The following PCDHGA5 variants were observed in gnomAD, a reference collection of about 807,000 sequenced individuals.
PCDHGA5 encodes protocadherin gamma subfamily A, 5.
A neutral mutation model predicts 56.7 loss-of-function variants in PCDHGA5; 36 were observed. The observed-to-expected ratio is 0.64, with a 90% CI of 0.49 to 0.84. PCDHGA5 has a LOEUF of 0.84. Among genes scored for constraint, PCDHGA5 ranks in the 40% least tolerant of loss-of-function variants. PCDHGA5 has a pLI of 0.00. For synonymous variants in PCDHGA5, 563 were observed against 520.2 expected (o/e 1.08, Z -1.12); for missense variants, 1,305 against 1,201.5 (o/e 1.09, Z -1.27).
At chr5:141,422,617 G>T (rs758903894) in intron 1 of PCDHGA5, 3 of 1,613,524 alleles carry the variant, frequency 1.9e-6, no homozygotes, top group Non-Finnish European at 2.5e-6. Context: ...CTACATTCCC[G>T]AAAACAACCC....
chr5:141,453,201 C>T (rs115660512), intron 1 of PCDHGA5, among the ~76,000 whole-genome samples: 2,052 of 152,204 alleles, frequency 0.013, 46 homozygotes, highest in African/African-American at 0.048. Flanking sequence ...GCAGCCTCAA[C>T]CTCGTGCACT....
At chr5:141,442,837 A>C (rs2098346617) in intron 1 of PCDHGA5, among the ~76,000 whole-genome samples, 1 of 152,202 alleles carries the variant, frequency 6.6e-6, no homozygotes, top group South Asian at 2.1e-4. Flanking sequence ...GGGAGGGACA[A>C]ATCTTGGCCA....
rs756464724 is a variant in PCDHGA5, at chr5:141,478,476, A to T, written c.2422-16331A>T. The T allele has an allele frequency of 5.0e-6, 8 of 1,613,838 alleles. 1 individual carries two copies. The South Asian group carries it at 7.7e-5, about 16-fold the overall frequency. The stretch of plus-strand genomic sequence containing the variant: ...GCCAGTCCACTGGCCAGCCGCCAGA[A>T]CACGCTGCGGAGCTGTGATCCGGTG... On this transcript the variant is annotated intron_variant, in intron 1 of 3. Transcript: ENST00000518069.
At chr5:141,471,860 A>G (rs1470502617) in intron 1 of PCDHGA5, among the ~76,000 whole-genome samples, 1 of 152,202 alleles carries the variant, frequency 6.6e-6, no homozygotes, top group Non-Finnish European at 1.5e-5. Flanking sequence ...AAAAAGCAAA[A>G]CTGTGGTTGC....
chr5:141,437,765 G>C (rs1561886251), intron 1 of PCDHGA5, among the ~76,000 whole-genome samples: 1 of 148,074 alleles, frequency 6.8e-6, no homozygotes, highest in African/African-American at 2.5e-5. Flanking sequence ...TTGAGACAGA[G>C]TCTCAATCTG....
intron 1 of PCDHGA5, chr5:141,413,905 C>G: frequency 6.2e-7 from 1 of 1,613,338 alleles, no homozygotes; most frequent in Non-Finnish European, 8.5e-7. Context: ...TGACAACGCG[C>G]CGGTCTTCAC....
Position 141,400,031 on chromosome 5 carries a change from G to A in PCDHGA5, c.2421+33280G>A, listed in dbSNP as rs373709904. The A allele has an allele frequency of 2.2e-5, 36 of 1,612,964 alleles. No individual in the cohort carries two copies. In the African/African-American group the frequency reaches 4.5e-4, roughly 20 times the overall value. The stretch of plus-strand genomic sequence containing the variant: ...GCCTTGGGCGACAGGGACGCGGCCC[G>A]CCAGCGCCTGCTGGTTGCTGTGCGT... On this transcript the variant is annotated intron_variant, in intron 1 of 3. Coordinates refer to ENST00000518069, the MANE Select transcript of PCDHGA5 (RefSeq NM_018918.3).
At position 141,477,210 on chromosome 5, in the gene PCDHGA5, C is replaced by G. The variant is rs780852225; in HGVS notation, c.2422-17597C>G. 1.2e-6 allele frequency: 2 copies of G among 1,614,142 alleles called. No individual in the cohort carries two copies. The highest frequency in any genetic ancestry group is 1.7e-6 in the Non-Finnish European group (2 of 1,180,030). On this transcript the variant is annotated intron_variant, in intron 1 of 3. Coordinates refer to ENST00000518069, the MANE Select transcript of PCDHGA5 (RefSeq NM_018918.3). The surrounding 1 kb of genome is among the most constrained non-coding windows in gnomAD (Gnocchi z 4.9). ...GTGTACAGCCCAGTACCCGAGGATG[C>G]CCCTCTGGGGACTGTCATCGCTTTG...
chr5:141,390,330 C>T, intron 1 of PCDHGA5: 1 of 1,600,608 alleles, frequency 6.2e-7, no homozygotes, highest in Non-Finnish European at 8.5e-7. Flanking sequence ...ACCCATTTCT[C>T]CATATTCACA....
rs946798767 is a variant in PCDHGA5 at position 141,438,591 on chromosome 5, C to CATATAT, written c.2422-56176_2422-56171dup. Among the ~76,000 whole-genome samples the CATATAT allele has an allele frequency of 1.5e-3, 111 of 75,470 alleles. 1 individual carries two copies. Among genetic ancestry groups the CATATAT allele is most frequent in the Non-Finnish European group, 2.3e-3 (84 of 37,244 alleles). 49.5% of individuals were successfully genotyped at this position (75,470 alleles called of 152,430 possible). A position where few individuals can be genotyped will look rare whatever the true frequency, so the allele number is the denominator to read the frequency against. ...TCTGATATACATACATACATACATA[C>CATATAT]ATATATATATATATATATATATATA... On this transcript the variant is annotated intron_variant, in intron 1 of 3. Transcript: ENST00000518069.
At chr5:141,392,891 C>G in intron 1 of PCDHGA5, 1 of 1,613,594 alleles carries the variant, frequency 6.2e-7, no homozygotes, top group Non-Finnish European at 8.5e-7. Context: ...TGTGGGAAAT[C>G]GGGAGGGGAC....
At position 141,431,645 on chromosome 5, in the gene PCDHGA5, T is replaced by G. The variant is rs2097404203; in HGVS notation, c.2422-63162T>G. ...GGCGGCCCAAGTTTTCAAACTAGAT[T>G]GTAATTCAGGGACAATATCAACAAT... On this transcript the variant is annotated intron_variant, in intron 1 of 3. Coordinates refer to ENST00000518069, the MANE Select transcript of PCDHGA5 (RefSeq NM_018918.3). This position sits in a 1 kb window ranked among gnomAD's most constrained non-coding sequence, Gnocchi z 4.8. The G allele has an allele frequency of 2.5e-6, 4 of 1,614,236 alleles. No homozygotes were observed. Among genetic ancestry groups the G allele is most frequent in the Non-Finnish European group, 3.4e-6 (4 of 1,180,044 alleles).
Position 141,384,817 on chromosome 5 carries a change from C to T in PCDHGA5, c.2421+18066C>T, listed in dbSNP as rs373370095. On this transcript the variant is annotated intron_variant, in intron 1 of 3. Coordinates refer to ENST00000518069, the MANE Select transcript of PCDHGA5 (RefSeq NM_018918.3). Reference sequence around the variant, plus strand: ...CCTGCTGGACAGAGATGCCCTCAAGCAGAGCCTCGTGGTGGCCGTCCAGGA... The same window carrying T: ...CCTGCTGGACAGAGATGCCCTCAAGTAGAGCCTCGTGGTGGCCGTCCAGGA... 4.3e-6 allele frequency: 7 copies of T among 1,613,298 alleles called. No homozygotes were observed. In the African/African-American group the frequency reaches 5.3e-5, roughly 12 times the overall value.
rs1764340105 is a variant in PCDHGA5, at chr5:141,366,115, C to T, written c.1785C>T (p.Asp595=). The T allele has an allele frequency of 6.2e-7, 1 of 1,614,120 alleles. No homozygotes were observed. Among genetic ancestry groups the T allele is most frequent in the Non-Finnish European group, 8.5e-7 (1 of 1,180,062 alleles). ...TGGTGACCAAGGTGGTAGCGGTGGACAAAGATTCAGGCCAGAACGCCTGGC... is the reference window on the plus strand; with the variant it reads ...TGGTGACCAAGGTGGTAGCGGTGGATAAAGATTCAGGCCAGAACGCCTGGC... The part of the protein sequence containing the change: ...GYLVTKVVAV[D]KDSGQNAWLS... Residue 595 remains aspartate (D), a synonymous_variant, in exon 1 of 4, where the codon GAC becomes GAT. Transcript: ENST00000518069.
chr5:141,393,534 G>T, intron 1 of PCDHGA5: 1 of 1,613,928 alleles, frequency 6.2e-7, no homozygotes, highest in Non-Finnish European at 8.5e-7. Context: ...CAATGCCCCG[G>T]TTTTTCCTCA....
chr5:141,441,882 C>A, intron 1 of PCDHGA5: 1 of 343,664 alleles, frequency 2.9e-6, no homozygotes, highest in South Asian at 2.6e-5. Context: ...GCTACCTGGT[C>A]ACCAAGGTGG....
chr5:141,372,034 G>A (rs1308858640), intron 1 of PCDHGA5: 10 of 1,613,358 alleles, frequency 6.2e-6, no homozygotes, highest in Non-Finnish European at 8.5e-6. Context: ...GCCAACGTGA[G>A]CCTGCGCGTG....
chr5:141,394,864 C>G lies in PCDHGA5; in HGVS notation c.2421+28113C>G. Reference sequence around the variant, plus strand: ...GGCAGTCTGAAGCCTTCGGTCGACCCGAACGATTCGAGCCTTACACTCTAT... The same window carrying G: ...GGCAGTCTGAAGCCTTCGGTCGACCGGAACGATTCGAGCCTTACACTCTAT... On this transcript the variant is annotated intron_variant, in intron 1 of 3. Coordinates refer to ENST00000518069, the MANE Select transcript of PCDHGA5 (RefSeq NM_018918.3). The G allele has an allele frequency of 1.2e-6, 2 of 1,613,780 alleles. No individual in the cohort carries two copies. The highest frequency in any genetic ancestry group is 1.7e-6 in the Non-Finnish European group (2 of 1,179,900).
rs780671252 is a variant in PCDHGA5, at chr5:141,398,519, C to G, written c.2421+31768C>G. 3.1e-6 allele frequency: 5 copies of G among 1,595,048 alleles called. No homozygotes were observed. The Admixed American group carries it at 6.8e-5, about 22-fold the overall frequency. On this transcript the variant is annotated intron_variant, in intron 1 of 3. Coordinates refer to ENST00000518069, the MANE Select transcript of PCDHGA5 (RefSeq NM_018918.3). ...ATCGAGGACATTAATGACCACACGC[C>G]AAAATTCACGCAAAATTCCTTTGAG...
Sources: allele counts gnomAD v4.1 joint callset (sites outside exome capture counted in the v4.1 genomes callset), GRCh38; gene constraint gnomAD v4.1.1; non-coding constraint Gnocchi (gnomAD v3.1); transcripts MANE v1.5; gene names NCBI Gene and HGNC (gene_info 2026-07-23, HGNC 2026-07-21).